PDGFD: variants seen among roughly 807,000 people sequenced by gnomAD.
PDGFD encodes the protein platelet derived growth factor D, also known as platelet-derived growth factor D.
Under a neutral mutation model 44.7 loss-of-function variants are expected in PDGFD, and 30 were observed. The ratio of observed to expected loss-of-function variants is 0.67; its 90% CI spans 0.50 to 0.91. The LOEUF (loss-of-function observed/expected upper bound fraction) is 0.91, where lower values mean the gene tolerates loss of function less well. Ranked by LOEUF, PDGFD falls within the 40% of genes least tolerant of loss-of-function variation. The pLI is 0.00. For synonymous variants in PDGFD, 173 were observed against 168.4 expected, an observed-to-expected ratio of 1.03 and a Z score of -0.21; for missense variants, 445 against 457.8, an observed-to-expected ratio of 0.97 and a Z score of 0.25.
At chr11:103,932,546 T>C (rs751041336) in intron 5 of PDGFD, among the ~76,000 whole-genome samples, 4 of 152,212 alleles carry the variant, frequency 2.6e-5, no homozygotes, top group Non-Finnish European at 4.4e-5. Context: ...CTAAAAAAGT[T>C]GTTGGAGGTA....
Position 104,020,441 on chromosome 11 carries a change from A to G in PDGFD, c.125-20186T>C, listed in dbSNP as rs899594866. On this transcript the variant is annotated intron_variant, in intron 1 of 6. Transcript: ENST00000393158. ...AGTAAAAAATGGAAGATATGTTTCA[A>G]TCCCATAAGAATGAGATAATATGTA... 1.4e-3 allele frequency among the ~76,000 whole-genome samples: 213 copies of G among 152,178 alleles called. 3 individuals carry two copies. Among genetic ancestry groups the G allele is most frequent in the Non-Finnish European group, 1.2e-4 (8 of 68,010 alleles).
chr11:104,106,577 T>A (rs1238242705), intron 1 of PDGFD, among the ~76,000 whole-genome samples: 1 of 152,142 alleles, frequency 6.6e-6, no homozygotes, highest in African/African-American at 2.4e-5. Context: ...GATTGCCCAT[T>A]CTGTGCAAGG....
intron 1 of PDGFD, among the ~76,000 whole-genome samples, chr11:104,102,469 C>T (rs1655812273): frequency 6.6e-6 from 1 of 152,186 alleles, no homozygotes; most frequent in African/African-American, 2.4e-5. Context: ...AACACTTTTA[C>T]ACTGTTGGTG....
chr11:104,103,629 C>T (rs968413804), intron 1 of PDGFD, among the ~76,000 whole-genome samples: 2 of 151,388 alleles, frequency 1.3e-5, no homozygotes, highest in East Asian at 3.9e-4. Flanking sequence ...GGATTGTGGC[C>T]CCATCAAATT....
In PDGFD at chr11:103,927,011, G is replaced by C; in HGVS notation, c.888C>G (p.Cys296Trp). Residue 296 changes from cysteine (C) to tryptophan (W), a missense_variant, in exon 6 of 7, where the codon TGC (cysteine) becomes TGG (tryptophan). Physicochemically the swap from Cys to Trp is radical, Grantham distance 215 (BLOSUM62 -2). Transcript: ENST00000393158. ...KLANVVFFPR[C>W]LLVQRCGGNC... ...TTCCTCCACAGCGCTGCACGAGGAGGCAACGTGGAAAGAAGACCACATTGG... is the reference window on the plus strand; with the variant it reads ...TTCCTCCACAGCGCTGCACGAGGAGCCAACGTGGAAAGAAGACCACATTGG... 6.2e-7 allele frequency: 1 copy of C among 1,614,180 alleles called. No individual in the cohort carries two copies. The highest frequency in any genetic ancestry group is 2.2e-5 in the East Asian group (1 of 44,882).
At chr11:103,951,506 T>G (rs1858756581) in intron 3 of PDGFD, among the ~76,000 whole-genome samples, 1 of 152,194 alleles carries the variant, frequency 6.6e-6, no homozygotes, top group African/African-American at 2.4e-5. Context: ...CTCTTAGAAT[T>G]TGGCAAAATA....
intron 1 of PDGFD, among the ~76,000 whole-genome samples, chr11:104,087,021 C>CTTT (rs528848924): frequency 0.011 from 1,129 of 103,086 alleles, 91 homozygotes; most frequent in East Asian, 0.025. Flanking sequence ...GGCTCTTAGT[C>CTTT]TTTTTTTTTT....
At chr11:104,041,047 G>A (rs1860342145) in intron 1 of PDGFD, among the ~76,000 whole-genome samples, 1 of 151,914 alleles carries the variant, frequency 6.6e-6, no homozygotes. Flanking sequence ...GTCAAAAACT[G>A]CAAAATTCTT....
chr11:104,124,885 T>TA (rs543031682), intron 1 of PDGFD, among the ~76,000 whole-genome samples: 4 of 151,870 alleles, frequency 2.6e-5, no homozygotes, highest in East Asian at 1.9e-4. Context: ...AAGAAGAATA[T>TA]AAAAAAAATG....
intron 1 of PDGFD, among the ~76,000 whole-genome samples, chr11:104,009,254 G>C (rs1054147062): frequency 2.4e-4 from 36 of 152,006 alleles, no homozygotes; most frequent in African/African-American, 8.7e-4. Context: ...GAAAAATGCT[G>C]TAACAAAAGT....
At chr11:104,104,453 T>C (rs1259540619) in intron 1 of PDGFD, among the ~76,000 whole-genome samples, 1 of 152,164 alleles carries the variant, frequency 6.6e-6, no homozygotes, top group African/African-American at 2.4e-5. Context: ...TCATGCTAAG[T>C]GTCTAATACA....
intron 1 of PDGFD, among the ~76,000 whole-genome samples, chr11:104,104,093 T>C (rs187102523): frequency 6.6e-6 from 1 of 152,126 alleles, no homozygotes; most frequent in Non-Finnish European, 1.5e-5. Flanking sequence ...TGTGTCTTAG[T>C]TTTTAACAAA....
chr11:104,001,965 G>A (rs1859626474), intron 1 of PDGFD, among the ~76,000 whole-genome samples: 1 of 152,306 alleles, frequency 6.6e-6, no homozygotes, highest in Non-Finnish European at 1.5e-5. Flanking sequence ...TAATGTTAAT[G>A]TGTTGCAGCT....
chr11:104,073,275 G>T (rs2134422679), intron 1 of PDGFD, among the ~76,000 whole-genome samples: 1 of 152,250 alleles, frequency 6.6e-6, no homozygotes, highest in South Asian at 2.1e-4. Context: ...ATGGTAAATG[G>T]CTGTAATAAT....
intron 1 of PDGFD, among the ~76,000 whole-genome samples, chr11:104,073,038 T>A (rs1449601480): frequency 1.3e-5 from 2 of 152,070 alleles, no homozygotes; most frequent in Admixed American, 1.3e-4. Context: ...ATCACAACAT[T>A]GGCTTTTACA....
chr11:104,013,616 G>C (rs575367257), intron 1 of PDGFD, among the ~76,000 whole-genome samples: 1 of 152,108 alleles, frequency 6.6e-6, no homozygotes, highest in African/African-American at 2.4e-5. Flanking sequence ...ACTTCCAATA[G>C]AGTGGATGCC....
intron 1 of PDGFD, among the ~76,000 whole-genome samples, chr11:104,116,963 C>T (rs1378925049): frequency 2.0e-5 from 3 of 151,944 alleles, no homozygotes; most frequent in Non-Finnish European, 4.4e-5. Context: ...TCAATTAAAC[C>T]TCTTTTTCTT....
chr11:103,942,525 T>C (rs1858601044), intron 5 of PDGFD, among the ~76,000 whole-genome samples: 2 of 152,124 alleles, frequency 1.3e-5, no homozygotes, highest in Non-Finnish European at 2.9e-5. Context: ...TATTGTACTT[T>C]CCTGAAGTTT....
intron 1 of PDGFD, among the ~76,000 whole-genome samples, chr11:104,150,128 G>T (rs976233830): frequency 2.6e-5 from 4 of 152,016 alleles, no homozygotes; most frequent in Non-Finnish European, 5.9e-5. Context: ...AATTTTTATG[G>T]AATTAAAAAT....
Sources: allele counts gnomAD v4.1 joint callset (sites outside exome capture counted in the v4.1 genomes callset), GRCh38; gene constraint gnomAD v4.1.1; transcripts MANE v1.5; gene names NCBI Gene and HGNC (gene_info 2026-07-23, HGNC 2026-07-21).